The following OSBPL10 variants were observed in gnomAD, a reference collection of about 807,000 sequenced individuals.
OSBPL10 encodes the protein oxysterol-binding protein-related protein 10.
OSBPL10 carries 49 observed loss-of-function variants against 81.7 expected under a neutral mutation model. The ratio of observed to expected loss-of-function variants is 0.60; its 90% confidence interval spans 0.48 to 0.76. The LOEUF (loss-of-function observed/expected upper bound fraction) is 0.76. OSBPL10 is among the 30% of genes least tolerant of loss of function. The pLI, the probability that OSBPL10 is intolerant of heterozygous loss-of-function variation, is 0.00. For synonymous variants in OSBPL10, 419 were observed against 383.6 expected (o/e 1.09, Z -1.08); for missense variants, 923 against 987.8 (o/e 0.93, Z 0.88).
At chr3:31,780,916 T>C (rs1698679249) in intron 4 of OSBPL10, among the ~76,000 whole-genome samples, 1 of 151,374 alleles carries the variant, frequency 6.6e-6, no homozygotes, top group Non-Finnish European at 1.5e-5. Flanking sequence ...CCAATCTTAC[T>C]GAAAGTATTG....
At chr3:31,903,600 G>T (rs552423879) in intron 1 of OSBPL10, among the ~76,000 whole-genome samples, 44 of 152,100 alleles carry the variant, frequency 2.9e-4, no homozygotes, top group African/African-American at 1.1e-3. Context: ...CAAAGTGCTG[G>T]GATTATAGGC....
chr3:31,836,997 C>T (rs1700370602), intron 3 of OSBPL10, among the ~76,000 whole-genome samples: 2 of 152,010 alleles, frequency 1.3e-5, no homozygotes, highest in African/African-American at 4.8e-5. Flanking sequence ...TCTACAGCTC[C>T]CAAAAGGTAA....
Position 31,686,835 on chromosome 3 carries a change from G to A in OSBPL10, c.1246-2721C>T, listed in dbSNP as rs1700803677. Among the ~76,000 whole-genome samples, 3 of 152,218 alleles carry A rather than the reference G, an allele frequency of 2.0e-5. No homozygotes were observed. In the South Asian group the frequency reaches 6.2e-4, roughly 32 times the overall value. On this transcript the variant is annotated intron_variant, in intron 7 of 11. Coordinates refer to ENST00000396556, the MANE Select transcript of OSBPL10 (RefSeq NM_017784.5). ...GCAACCATCACTGTGCTCTCTGGGG[G>A]CTGCTCTTCCAATGAGGCTTCACTG...
At chr3:31,718,558 C>A (rs1456561027) in intron 6 of OSBPL10, among the ~76,000 whole-genome samples, 1 of 152,144 alleles carries the variant, frequency 6.6e-6, no homozygotes, top group South Asian at 2.1e-4. Context: ...ATCTTCATCC[C>A]GTTTTCATAA....
At chr3:31,763,046 G>A (rs905050900) in intron 4 of OSBPL10, among the ~76,000 whole-genome samples, 1 of 152,016 alleles carries the variant, frequency 6.6e-6, no homozygotes, top group African/African-American at 2.4e-5. Context: ...CAATTCATCC[G>A]GAACGGAATG....
At chr3:31,761,302 T>C (rs1288881423) in intron 4 of OSBPL10, among the ~76,000 whole-genome samples, 1 of 151,252 alleles carries the variant, frequency 6.6e-6, no homozygotes, top group Non-Finnish European at 1.5e-5. Context: ...TGAAACCCAA[T>C]CTCTACTGAA....
At chr3:31,742,443 T>C (rs1208028494) in intron 5 of OSBPL10, among the ~76,000 whole-genome samples, 1 of 152,138 alleles carries the variant, frequency 6.6e-6, no homozygotes, top group Admixed American at 6.5e-5. Context: ...TATATTAAAT[T>C]CTGCTCTGGT....
chr3:31,712,303 T>G (rs1696282320), intron 6 of OSBPL10, among the ~76,000 whole-genome samples: 1 of 152,168 alleles, frequency 6.6e-6, no homozygotes, highest in Admixed American at 6.5e-5. Flanking sequence ...CTATCCGAGG[T>G]GGGCAGGATA....
intron 1 of OSBPL10, among the ~76,000 whole-genome samples, chr3:31,916,747 AC>A (rs1696769031): frequency 6.6e-6 from 1 of 152,198 alleles, no homozygotes; most frequent in East Asian, 1.9e-4. Flanking sequence ...CTTCTCAGGC[AC>A]CTGTTAATCT....
At chr3:31,684,698 C>T (rs1700747036) in intron 7 of OSBPL10, among the ~76,000 whole-genome samples, 1 of 152,184 alleles carries the variant, frequency 6.6e-6, no homozygotes, top group Non-Finnish European at 1.5e-5. Flanking sequence ...TGGAAAGGGC[C>T]CAGCTCCAGG....
chr3:31,719,668 A>C (rs1285083987), intron 6 of OSBPL10, among the ~76,000 whole-genome samples: 1 of 152,186 alleles, frequency 6.6e-6, no homozygotes, highest in Non-Finnish European at 1.5e-5. Flanking sequence ...TACTTATCAA[A>C]ATTTAAATTC....
intron 6 of OSBPL10, among the ~76,000 whole-genome samples, chr3:31,726,101 A>G (rs1696799634): frequency 6.6e-6 from 1 of 152,112 alleles, no homozygotes; most frequent in South Asian, 2.1e-4. Flanking sequence ...TCTTGCTGAC[A>G]AAAGCCCAGT....
At chr3:32,015,572 A>G (rs1324487729) in intron 2 of OSBPL10, among the ~76,000 whole-genome samples, 1 of 152,244 alleles carries the variant, frequency 6.6e-6, no homozygotes, top group Non-Finnish European at 1.5e-5. Flanking sequence ...ACCAAAAGCA[A>G]TGGCAACAAA....
intron 4 of OSBPL10, among the ~76,000 whole-genome samples, chr3:31,826,559 C>A (rs1051369097): frequency 6.6e-6 from 1 of 152,176 alleles, no homozygotes; most frequent in Non-Finnish European, 1.5e-5. Context: ...CTCTTTTATT[C>A]TCCTGATATT....
At chr3:31,756,708 G>A (rs901532321) in intron 4 of OSBPL10, among the ~76,000 whole-genome samples, 1 of 152,214 alleles carries the variant, frequency 6.6e-6, no homozygotes, top group East Asian at 1.9e-4. Context: ...ATTGGCTTTG[G>A]GGGTAGCTAA....
intron 2 of OSBPL10, among the ~76,000 whole-genome samples, chr3:32,019,224 T>A (rs1699341049): frequency 6.6e-6 from 1 of 152,112 alleles, no homozygotes; most frequent in Non-Finnish European, 1.5e-5. Flanking sequence ...TGATGTCGTT[T>A]AACAAAGTCC....
chr3:31,755,740 A>G (rs376759273), intron 4 of OSBPL10, among the ~76,000 whole-genome samples: 4 of 152,336 alleles, frequency 2.6e-5, no homozygotes, highest in African/African-American at 9.6e-5. Context: ...TGGTCCTTCC[A>G]TGGTTTGAGT....
chr3:31,945,482 T>C (rs935200382), intron 1 of OSBPL10, among the ~76,000 whole-genome samples: 4 of 152,248 alleles, frequency 2.6e-5, no homozygotes, highest in Admixed American at 2.0e-4. Context: ...TTTTTATTTT[T>C]GGCTTTAAAA....
At chr3:31,882,232 A>AT (rs1695603577) in intron 1 of OSBPL10, among the ~76,000 whole-genome samples, 1 of 152,160 alleles carries the variant, frequency 6.6e-6, no homozygotes, top group African/African-American at 2.4e-5. Context: ...ATTATTTTTA[A>AT]TATTTCAGAT....
Sources: gnomAD v4.1 joint callset for allele counts (sites outside exome capture counted in the v4.1 genomes callset) on GRCh38, gnomAD v4.1.1 for gene constraint, MANE v1.5 for transcripts, NCBI Gene and HGNC (gene_info 2026-07-23, HGNC 2026-07-21) for gene names.